The following THSD7B variants were observed in gnomAD, a reference collection of about 807,000 sequenced individuals.
THSD7B encodes the protein thrombospondin type-1 domain-containing protein 7B.
Under a neutral mutation model 213.6 loss-of-function variants are expected in THSD7B, and 138 were observed. That is an observed-to-expected ratio of 0.65 (90% CI 0.56 to 0.74). The LOEUF is 0.74. Ranked by LOEUF, THSD7B falls within the 30% of genes least tolerant of loss-of-function variation. The pLI is 0.00. For missense variants in THSD7B, 1,931 were observed against 1,991.5 expected, an observed-to-expected ratio of 0.97 and a Z score of 0.58; for synonymous variants, 742 against 687.0, an observed-to-expected ratio of 1.08 and a Z score of -1.25.
chr2:136,851,763 T>G (rs1175688183), intron 1 of THSD7B, among the ~76,000 whole-genome samples: 1 of 152,108 alleles, frequency 6.6e-6, no homozygotes, highest in East Asian at 1.9e-4. Context: ...ACAGCCTTTT[T>G]CTACAGGACA....
intron 4 of THSD7B, among the ~76,000 whole-genome samples, chr2:137,111,795 A>T (rs530174180): frequency 2.2e-4 from 33 of 152,318 alleles, no homozygotes; most frequent in African/African-American, 7.7e-4. Flanking sequence ...ATGGAAACTG[A>T]CATTTCTTTC....
intron 1 of THSD7B, among the ~76,000 whole-genome samples, chr2:136,772,584 G>A (rs890122523): frequency 4.6e-5 from 7 of 152,162 alleles, no homozygotes; most frequent in African/African-American, 1.7e-4. Flanking sequence ...CAAAGCATTA[G>A]TTTTTGAAAT....
chr2:137,260,267 A>G lies in THSD7B; in HGVS notation c.2267-12266A>G, dbSNP rs149651862. 5.5e-3 allele frequency among the ~76,000 whole-genome samples: 845 copies of G among 152,300 alleles called. 33 individuals carry two copies. Among genetic ancestry groups the G allele is most frequent in the Admixed American group, 0.049 (750 of 15,298 alleles). ...ATAATATATTACTATGATATTAAAA[A>G]CAGTTTTAAAGAGTTATTGTCTTTT... On this transcript the variant is annotated intron_variant, in intron 10 of 27. Coordinates refer to ENST00000409968, the MANE Select transcript of THSD7B (RefSeq NM_001316349.2).
At chr2:137,076,154 C>T (rs2104898535) in intron 3 of THSD7B, among the ~76,000 whole-genome samples, 1 of 152,352 alleles carries the variant, frequency 6.6e-6, no homozygotes, top group Non-Finnish European at 1.5e-5. Flanking sequence ...TTACTGCTGT[C>T]TTTTTGTTTG....
At chr2:137,546,997 G>C (rs1013100074) in intron 15 of THSD7B, among the ~76,000 whole-genome samples, 2 of 151,952 alleles carry the variant, frequency 1.3e-5, no homozygotes, top group African/African-American at 4.8e-5. Flanking sequence ...ATTAGTCTTT[G>C]TCTGTTCCTC....
intron 17 of THSD7B, among the ~76,000 whole-genome samples, chr2:137,598,471 A>G (rs565643717): frequency 1.2e-4 from 18 of 152,334 alleles, no homozygotes; most frequent in African/African-American, 4.3e-4. Flanking sequence ...TTCATAGAAT[A>G]AAGTGCTTAC....
intron 7 of THSD7B, among the ~76,000 whole-genome samples, chr2:137,196,355 G>T (rs560645945): frequency 2.8e-5 from 4 of 143,454 alleles, no homozygotes; most frequent in African/African-American, 1.0e-4. Context: ...CAGCCTTTTA[G>T]CTGGAGATGG....
At chr2:137,663,641 T>C in intron 26 of THSD7B, 66 bp downstream of exon 26, 2 of 1,376,342 alleles carry the variant, frequency 1.5e-6, no homozygotes, top group Non-Finnish European at 2.0e-6. Flanking sequence ...TGACCACTTC[T>C]CATGATGGAA....
At chr2:137,660,050 G>A (rs950775794) in intron 25 of THSD7B, among the ~76,000 whole-genome samples, 4 of 151,836 alleles carry the variant, frequency 2.6e-5, no homozygotes, top group South Asian at 2.1e-4. Flanking sequence ...CCTTTTATAC[G>A]CCTCAACTAT....
At chr2:137,265,369 C>T (rs1682562638) in intron 10 of THSD7B, among the ~76,000 whole-genome samples, 1 of 152,150 alleles carries the variant, frequency 6.6e-6, no homozygotes, top group African/African-American at 2.4e-5. Flanking sequence ...GTTGGTGGGA[C>T]TGTAAACTAG....
intron 5 of THSD7B, among the ~76,000 whole-genome samples, chr2:137,142,603 A>G (rs962905596): frequency 2.6e-5 from 4 of 152,060 alleles, no homozygotes; most frequent in African/African-American, 9.7e-5. Flanking sequence ...TTTGGACAAT[A>G]ATTGTATATA....
At chr2:137,277,927 T>C (rs1682909884) in intron 12 of THSD7B, among the ~76,000 whole-genome samples, 1 of 152,114 alleles carries the variant, frequency 6.6e-6, no homozygotes, top group African/African-American at 2.4e-5. Flanking sequence ...CCTTTCACTC[T>C]ACAGAGTCAG....
chr2:137,605,883 A>G (rs1278747010), intron 17 of THSD7B, among the ~76,000 whole-genome samples: 1 of 151,682 alleles, frequency 6.6e-6, no homozygotes, highest in Non-Finnish European at 1.5e-5. Flanking sequence ...GTTAGCCAGG[A>G]TGGTCTCAGT....
At chr2:136,998,042 C>G (rs145217280) in intron 2 of THSD7B, among the ~76,000 whole-genome samples, 1 of 152,140 alleles carries the variant, frequency 6.6e-6, no homozygotes, top group East Asian at 1.9e-4. Context: ...GAGCAAGGAG[C>G]TCGGGACAGG....
At chr2:137,203,694 A>G (rs569179338) in intron 7 of THSD7B, among the ~76,000 whole-genome samples, 1 of 152,190 alleles carries the variant, frequency 6.6e-6, no homozygotes, top group South Asian at 2.1e-4. Flanking sequence ...CAAAACATCA[A>G]TAAGGAATGA....
rs542176805 is a variant in THSD7B, at chr2:137,073,757, T to C, written c.950+16527T>C. Among the ~76,000 whole-genome samples, 5 of 152,320 alleles carry C rather than the reference T, an allele frequency of 3.3e-5. No individual in the cohort carries two copies. In the East Asian group the frequency reaches 9.6e-4, roughly 29 times the overall value. On this transcript the variant is annotated intron_variant, in intron 3 of 27. Coordinates refer to ENST00000409968, the MANE Select transcript of THSD7B (RefSeq NM_001316349.2). The stretch of plus-strand genomic sequence containing the variant: ...ATTTCCCTCTACACACTGCTTTGAA[T>C]GTGTCCCAGAGATTCTGGTATGTTG...
intron 2 of THSD7B, among the ~76,000 whole-genome samples, chr2:137,051,487 A>G (rs1414239840): frequency 6.6e-6 from 1 of 152,214 alleles, no homozygotes; most frequent in Non-Finnish European, 1.5e-5. Flanking sequence ...AAAAGTCACT[A>G]CATTAACCTA....
intron 2 of THSD7B, among the ~76,000 whole-genome samples, chr2:136,910,405 T>A (rs1684237502): frequency 6.6e-6 from 1 of 152,164 alleles, no homozygotes; most frequent in Non-Finnish European, 1.5e-5. Flanking sequence ...CATTTACATG[T>A]GAGATTTAAT....
At chr2:137,661,902 G>C (rs1683351033) in intron 25 of THSD7B, among the ~76,000 whole-genome samples, 1 of 152,026 alleles carries the variant, frequency 6.6e-6, no homozygotes, top group Admixed American at 6.6e-5. Flanking sequence ...GCTCACTTTA[G>C]GCATTTTTCC....
Sources: allele counts gnomAD v4.1 joint callset (sites outside exome capture counted in the v4.1 genomes callset), GRCh38; gene constraint gnomAD v4.1.1; transcripts MANE v1.5; gene names NCBI Gene and HGNC (gene_info 2026-07-23, HGNC 2026-07-21).